Variants in IL1RAPL2 observed in about 807,000 individuals in gnomAD.
IL1RAPL2 encodes X-linked interleukin-1 receptor accessory protein-like 2.
A neutral mutation model predicts 44.1 loss-of-function variants in IL1RAPL2; 3 were observed. The ratio of observed to expected loss-of-function variants is 0.07; its 90% CI spans 0.03 to 0.18. The LOEUF (loss-of-function observed/expected upper bound fraction) is 0.18. Among genes scored for constraint, IL1RAPL2 ranks in the 10% least tolerant of loss-of-function variants. IL1RAPL2 has a pLI of 1.00. For missense variants in IL1RAPL2, 391 were observed against 496.4 expected (o/e 0.79, Z 2.02); for synonymous variants, 181 against 178.8 (o/e 1.01, Z -0.10).
intron 2 of IL1RAPL2, among the ~76,000 whole-genome samples, chrX:104,899,263 A>G (rs1048301191): frequency 8.9e-6 from 1 of 112,246 alleles, no homozygotes; most frequent in Non-Finnish European, 1.9e-5. Context: ...AATCCTATTT[A>G]TTTAACTTGA....
intron 2 of IL1RAPL2, among the ~76,000 whole-genome samples, chrX:104,829,829 T>C (rs1201373245): frequency 8.9e-6 from 1 of 112,375 alleles, no homozygotes; most frequent in Non-Finnish European, 1.9e-5. Context: ...TCAGTTCTTA[T>C]TGACACTTAG....
At chrX:105,625,728 C>T (rs770466730) in intron 6 of IL1RAPL2, among the ~76,000 whole-genome samples, 11 of 110,176 alleles carry the variant, frequency 1.0e-4, no homozygotes, top group Non-Finnish European at 2.1e-4. Context: ...AAAAGACCCC[C>T]AACAATAAAC....
At chrX:104,973,208 A>G (rs2030267988) in intron 2 of IL1RAPL2, among the ~76,000 whole-genome samples, 1 of 111,549 alleles carries the variant, frequency 9.0e-6, no homozygotes, top group South Asian at 3.7e-4. Context: ...ACTCCCTGAT[A>G]CCTGTCATGG....
intron 2 of IL1RAPL2, among the ~76,000 whole-genome samples, chrX:105,136,351 C>T (rs2033076463): frequency 8.9e-6 from 1 of 111,874 alleles, no homozygotes; most frequent in South Asian, 3.7e-4. Flanking sequence ...ACCTTTATTT[C>T]CTGTTCCACC....
intron 2 of IL1RAPL2, among the ~76,000 whole-genome samples, chrX:104,984,437 C>G (rs773618179): frequency 9.0e-6 from 1 of 111,599 alleles, no homozygotes; most frequent in East Asian, 2.8e-4. Flanking sequence ...AGAAAGAAAC[C>G]TGTTCTTTGC....
intron 4 of IL1RAPL2, 71 bp downstream of exon 4, chrX:105,234,075 AT>A (rs201311761): frequency 5.9e-6 from 5 of 847,857 alleles, no homozygotes; most frequent in South Asian, 2.8e-5. Flanking sequence ...GGAAAGGGAG[AT>A]TTTTTTACTA....
At chrX:104,942,306 A>G (rs1274980562) in intron 2 of IL1RAPL2, among the ~76,000 whole-genome samples, 1 of 111,996 alleles carries the variant, frequency 8.9e-6, no homozygotes, top group Non-Finnish European at 1.9e-5. Context: ...TGCCATTTTC[A>G]CAATATTGAT....
intron 2 of IL1RAPL2, among the ~76,000 whole-genome samples, chrX:104,902,160 A>G (rs1284937415): frequency 8.9e-6 from 1 of 111,877 alleles, no homozygotes; most frequent in Non-Finnish European, 1.9e-5. Context: ...ACGTTATGGA[A>G]GTAAAGTAGC....
chrX:104,823,307 T>C (rs189944239), intron 2 of IL1RAPL2, among the ~76,000 whole-genome samples: 1,238 of 111,103 alleles, frequency 0.011, 11 homozygotes, highest in Non-Finnish European at 0.018. Flanking sequence ...TGTCCATGTG[T>C]TCTCATTGTT....
At chrX:105,718,578 T>C (rs1371538052) in intron 7 of IL1RAPL2, among the ~76,000 whole-genome samples, 1 of 111,246 alleles carries the variant, frequency 9.0e-6, no homozygotes, top group African/African-American at 3.3e-5. Flanking sequence ...AACCACATGA[T>C]ACCACTTTAT....
intron 6 of IL1RAPL2, among the ~76,000 whole-genome samples, chrX:105,611,022 A>G (rs746079048): frequency 7.2e-5 from 8 of 111,738 alleles, no homozygotes; most frequent in Non-Finnish European, 1.3e-4. Flanking sequence ...GGTGGAAGGC[A>G]GTAATATTGA....
chrX:105,031,487 A>C (rs977914991), intron 2 of IL1RAPL2, among the ~76,000 whole-genome samples: 1 of 111,900 alleles, frequency 8.9e-6, no homozygotes, highest in Non-Finnish European at 1.9e-5. Flanking sequence ...CCTTTTCTGC[A>C]TCTATTGAGA....
At chrX:105,711,237 T>C (rs916298330) in intron 6 of IL1RAPL2, among the ~76,000 whole-genome samples, 1 of 110,020 alleles carries the variant, frequency 9.1e-6, no homozygotes, top group Non-Finnish European at 1.9e-5. Flanking sequence ...GAAAAAGATT[T>C]ATTTGGCTCA....
At chrX:105,105,465 G>C (rs934803331) in intron 2 of IL1RAPL2, among the ~76,000 whole-genome samples, 1 of 112,447 alleles carries the variant, frequency 8.9e-6, no homozygotes, top group Non-Finnish European at 1.9e-5. Context: ...CACTATACCA[G>C]AGTGCTTGCA....
intron 2 of IL1RAPL2, among the ~76,000 whole-genome samples, chrX:104,787,952 G>A (rs770796949): frequency 4.5e-5 from 5 of 111,884 alleles, no homozygotes; most frequent in Non-Finnish European, 7.5e-5. Flanking sequence ...GAAAGATTAT[G>A]TCAGGACTGA....
intron 2 of IL1RAPL2, among the ~76,000 whole-genome samples, chrX:105,137,474 T>A (rs1321871421): frequency 9.0e-6 from 1 of 111,556 alleles, no homozygotes; most frequent in African/African-American, 3.3e-5. Flanking sequence ...AGAAAACTAT[T>A]TTTTGGTGAA....
chrX:104,662,173 G>A (rs6621854), intron 2 of IL1RAPL2, among the ~76,000 whole-genome samples: 4,629 of 111,754 alleles, frequency 0.041, 100 homozygotes, highest in East Asian at 0.06. Context: ...GCACATATTG[G>A]AGCAAACCTG....
intron 2 of IL1RAPL2, among the ~76,000 whole-genome samples, chrX:105,042,773 A>G (rs1367239095): frequency 2.6e-4 from 28 of 107,836 alleles, no homozygotes; most frequent in Admixed American, 1.3e-3. Flanking sequence ...AAAGACACAC[A>G]CACACGTATG....
intron 2 of IL1RAPL2, among the ~76,000 whole-genome samples, chrX:104,696,752 A>T (rs1931189517): frequency 8.9e-6 from 1 of 111,877 alleles, no homozygotes; most frequent in Non-Finnish European, 1.9e-5. Flanking sequence ...TTCATCACAT[A>T]AGAGTTCCTG....
Sources: allele counts gnomAD v4.1 joint callset (sites outside exome capture counted in the v4.1 genomes callset), GRCh38; gene constraint gnomAD v4.1.1; transcripts MANE v1.5; gene names NCBI Gene and HGNC (gene_info 2026-07-23, HGNC 2026-07-21).